The following MIA3 variants were observed in gnomAD, a reference collection of about 807,000 sequenced individuals.
MIA3 encodes the protein transport and Golgi organization protein 1 homolog.
MIA3 carries 90 observed loss-of-function variants against 192.4 expected under a neutral mutation model. The observed-to-expected ratio is 0.47, with a 90% CI of 0.39 to 0.56. The LOEUF (loss-of-function observed/expected upper bound fraction) is 0.56, where lower values mean the gene tolerates loss of function less well. MIA3 is among the 20% of genes least tolerant of loss of function. The probability of loss-of-function intolerance (pLI) is 0.00; values close to 1 mark genes in which losing one functional copy is unlikely to be tolerated. For missense variants in MIA3, 2,123 were observed against 2,269.4 expected (o/e 0.94, Z 1.31); for synonymous variants, 740 against 792.8 (o/e 0.93, Z 1.12).
At position 222,633,094 on chromosome 1, in the gene MIA3, C is replaced by T; in HGVS notation, c.3332-10C>T. The T allele has an allele frequency of 6.3e-7, 1 of 1,577,656 alleles. No homozygotes were observed. Among genetic ancestry groups the T allele is most frequent in the Non-Finnish European group, 8.6e-7 (1 of 1,167,064 alleles). On this transcript the variant is annotated splice_polypyrimidine_tract_variant and intron_variant, in intron 5 of 27. Transcript: ENST00000344922. ...AAGCACAAAATGTCTATCTTTCCTCCCAATTCCAGGGCCAGTTACAACAGA... is the reference window on the plus strand; with the variant it reads ...AAGCACAAAATGTCTATCTTTCCTCTCAATTCCAGGGCCAGTTACAACAGA...
At position 222,653,126 on chromosome 1, in the gene MIA3, T is replaced by C; in HGVS notation, c.4205T>C (p.Ile1402Thr). 1 of 1,608,640 alleles carries C rather than the reference T, an allele frequency of 6.2e-7. No individual in the cohort carries two copies. Among genetic ancestry groups the C allele is most frequent in the South Asian group, 1.1e-5 (1 of 90,804 alleles). ...EVALTHKDDN[I>T]NALTNCITQL... The stretch of plus-strand genomic sequence containing the variant: ...GCTCTTACTCACAAGGATGATAATA[T>C]TAATGTAAGTGCGTTCATGAATACA... Residue 1402 changes from isoleucine (I) to threonine (T), a missense_variant, in exon 14 of 28, where the codon ATT becomes ACT. This residue lies in a region of MIA3 where 762 missense variants were observed against 856.4 expected (regional missense o/e 0.89). Transcript: ENST00000344922.
chr1:222,631,528 A>G (rs1259838838), intron 4 of MIA3, among the ~76,000 whole-genome samples: 1 of 152,152 alleles, frequency 6.6e-6, no homozygotes, highest in Admixed American at 6.5e-5. Context: ...GAAATGGGGG[A>G]GGAGAACTTT....
chr1:222,621,998 C>T (rs558638384), intron 2 of MIA3, among the ~76,000 whole-genome samples: 3 of 152,140 alleles, frequency 2.0e-5, no homozygotes, highest in South Asian at 2.1e-4. Context: ...TTAGTAGAGA[C>T]GGGGTTTCAC....
In MIA3 at chr1:222,629,065, TGAGGAATTGAAA is replaced by T. The variant is rs771639920; in HGVS notation, c.1854_1865del (p.Lys619_Leu622del). 2.5e-5 allele frequency: 41 copies of T among 1,614,156 alleles called. No homozygotes were observed. Among genetic ancestry groups the T allele is most frequent in the Middle Eastern group, 1.6e-4 (1 of 6,062 alleles). ...ACACGCTTTCAGTGGAGCATCAACGTGAGGAATTGAAAGAGGAATTAGTTCTTAAAACTCAAA... is the reference window on the plus strand; with the variant it reads ...ACACGCTTTCAGTGGAGCATCAACGTGAGGAATTAGTTCTTAAAACTCAAA... On this transcript the variant is annotated inframe_deletion, in exon 4 of 28. Coordinates refer to ENST00000344922, the MANE Select transcript of MIA3 (RefSeq NM_198551.4).
chr1:222,665,382 T>TCTCC lies in MIA3; in HGVS notation c.5488_5491dup (p.His1831ProfsTer14). 6.2e-7 allele frequency: 1 copy of TCTCC among 1,613,944 alleles called. No individual in the cohort carries two copies. Among genetic ancestry groups the TCTCC allele is most frequent in the Non-Finnish European group, 8.5e-7 (1 of 1,179,968 alleles). ...TTCCACCAGGAAGACGGGACCTGCC[T>TCTCC]CTCCACCCTCGGGGATTTTTACCTG... On this transcript the variant is annotated frameshift_variant, in exon 28 of 28. Transcript: ENST00000344922. LOFTEE classifies it low-confidence loss of function (END_TRUNC).
At chr1:222,645,795 A>T in intron 7 of MIA3, 110 bp downstream of exon 7, 2 of 950,388 alleles carry the variant, frequency 2.1e-6, no homozygotes, top group Non-Finnish European at 3.1e-6. Flanking sequence ...AATGCTTTTA[A>T]TTCAAGCTAA....
chr1:222,647,567 T>G (rs1663207431), intron 7 of MIA3, among the ~76,000 whole-genome samples: 3 of 152,328 alleles, frequency 2.0e-5, no homozygotes, highest in Middle Eastern at 6.8e-3. Flanking sequence ...TTTCTTCAGA[T>G]AAAAAGGGAG....
At chr1:222,659,547 G>A (rs748359671) in intron 20 of MIA3, 34 bp downstream of exon 20, 23 of 1,610,446 alleles carry the variant, frequency 1.4e-5, no homozygotes, top group East Asian at 2.2e-5. Context: ...TATAGTGCCC[G>A]GAATTCTTTG....
At chr1:222,653,363 G>A in intron 15 of MIA3, 24 bp downstream of exon 15, 1 of 1,538,254 alleles carries the variant, frequency 6.5e-7, no homozygotes, top group Non-Finnish European at 9.0e-7. Flanking sequence ...CAAGGAGGAT[G>A]GACCCCTTTT....
chr1:222,629,999 A>C lies in MIA3; in HGVS notation c.2779A>C (p.Ser927Arg), dbSNP rs781401308. ...SDKREDLLIISSFFKEQQSLQ... is the reference protein window; with the variant it reads ...SDKREDLLIIRSFFKEQQSLQ... ...CAAGAGGGAGGACTTACTTATCATA[A>C]GCAGCTTCTTTAAAGAACAACAGTC... The change falls in exon 4 of 28, where the codon AGC becomes CGC. Residue 927 changes from serine (S) to arginine (R), a missense_variant. Coordinates refer to ENST00000344922, the MANE Select transcript of MIA3 (RefSeq NM_198551.4). 2 of 1,614,150 alleles carry C rather than the reference A, an allele frequency of 1.2e-6. No homozygotes were observed. Among genetic ancestry groups the C allele is most frequent in the South Asian group, 2.2e-5 (2 of 91,082 alleles).
Position 222,628,221 on chromosome 1 carries a change from C to G in MIA3, c.1001C>G (p.Thr334Arg), listed in dbSNP as rs534955784. ...DFDELPLLTF[T>R]DGEDMKTPAK... ...GATGAGTTGCCATTACTTACCTTTA[C>G]AGATGGGGAAGATATGAAAACTCCA... is the stretch of plus-strand genomic sequence containing the variant. Residue 334 changes from threonine to arginine, a missense_variant, in exon 4 of 28, where the codon ACA becomes AGA. Around this residue, in one of 3 missense-constraint regions of MIA3, gnomAD observed 1,357 missense variants for 1,396.1 expected, o/e 0.97. Transcript: ENST00000344922. 1 of 1,614,070 alleles carries G rather than the reference C, an allele frequency of 6.2e-7. No individual in the cohort carries two copies. The highest frequency in any genetic ancestry group is 1.1e-5 in the South Asian group (1 of 91,088).
At position 222,628,465 on chromosome 1, in the gene MIA3, T is replaced by C. The variant is rs750584373; in HGVS notation, c.1245T>C (p.Asp415=). ...SSSSEEEKED[D]DDALVPDSKQ... is the part of the protein sequence containing the mutation. Reference sequence around the variant, plus strand: ...GTTCAGAGGAAGAAAAAGAAGATGATGATGATGCATTAGTCCCAGATAGCA... The same window carrying C: ...GTTCAGAGGAAGAAAAAGAAGATGACGATGATGCATTAGTCCCAGATAGCA... Residue 415 remains aspartate (D), a synonymous_variant, in exon 4 of 28, where the codon GAT becomes GAC. Coordinates refer to ENST00000344922, the MANE Select transcript of MIA3 (RefSeq NM_198551.4). The C allele has an allele frequency of 6.2e-7, 1 of 1,612,692 alleles. No individual in the cohort carries two copies. Among genetic ancestry groups the C allele is most frequent in the South Asian group, 1.1e-5 (1 of 90,720 alleles).
At position 222,618,139 on chromosome 1, in the gene MIA3, G is replaced by C; in HGVS notation, c.29G>C (p.Trp10Ser). Residue 10 changes from tryptophan to serine, a missense_variant, in exon 1 of 28, where the codon TGG becomes TCG. Coordinates refer to ENST00000344922, the MANE Select transcript of MIA3 (RefSeq NM_198551.4). ...GCTGCGGCGCCTGGGCTGCTCGTCT[G>C]GCTGCTCGTGCTCCGGCTGCCCTGG... MAAAPGLLV[W>S]LLVLRLPWRV... 6.6e-7 allele frequency: 1 copy of C among 1,504,492 alleles called. No homozygotes were observed. Among genetic ancestry groups the C allele is most frequent in the South Asian group, 1.2e-5 (1 of 81,338 alleles). 93.2% of individuals were successfully genotyped at this position (1,504,492 alleles called of 1,614,324 possible). A position where few individuals can be genotyped will look rare whatever the true frequency, so the allele number is the denominator to read the frequency against.
chr1:222,627,228 C>A (rs914829522), intron 3 of MIA3, among the ~76,000 whole-genome samples: 1 of 152,250 alleles, frequency 6.6e-6, no homozygotes, highest in Non-Finnish European at 1.5e-5. Flanking sequence ...CCAGGTGGGA[C>A]TGTCCCTGTA....
chr1:222,650,295 C>T lies in MIA3; in HGVS notation c.3635C>T (p.Thr1212Met), dbSNP rs374910596. The T allele has an allele frequency of 7.4e-5, 118 of 1,593,552 alleles. No homozygotes were observed. Among genetic ancestry groups the T allele is most frequent in the African/African-American group, 1.6e-4 (12 of 74,230 alleles). ...TATTATTTTTTTCTTTTTTCAGTCA[C>T]GGAACAGCAAATTTCTGAGAAGTTG... ...LVVKDRVYQV[T>M]EQQISEKLKT... Residue 1212 changes from threonine (T) to methionine (M), a missense_variant, in exon 9 of 28, where the codon ACG becomes ATG. By Grantham distance (81) the Thr-to-Met change is moderately conservative. This residue lies in a region of MIA3 where 762 missense variants were observed against 856.4 expected (regional missense o/e 0.89). Transcript: ENST00000344922.
chr1:222,633,727 G>A (rs1558180240), intron 6 of MIA3, among the ~76,000 whole-genome samples: 1 of 152,238 alleles, frequency 6.6e-6, no homozygotes, highest in Non-Finnish European at 1.5e-5. Flanking sequence ...GGGGAAGGAT[G>A]TGGGCAGGGG....
chr1:222,644,549 C>G (rs980928002), intron 6 of MIA3: 3 of 1,550,636 alleles, frequency 1.9e-6, no homozygotes, highest in Admixed American at 2.0e-5. Context: ...GGACCCTTGT[C>G]TGTGCTCTAC....
intron 15 of MIA3, among the ~76,000 whole-genome samples, chr1:222,653,817 G>C (rs962037205): frequency 1.3e-5 from 2 of 152,206 alleles, no homozygotes; most frequent in Non-Finnish European, 2.9e-5. Context: ...CTAAGGCCAT[G>C]AGAGTGGAGG....
chr1:222,656,747 A>G (rs538933329), intron 18 of MIA3, among the ~76,000 whole-genome samples: 2 of 152,202 alleles, frequency 1.3e-5, no homozygotes, highest in African/African-American at 2.4e-5. Context: ...CCCTCGCCCA[A>G]TGCCTCCTAC....
Sources: allele counts gnomAD v4.1 joint callset (sites outside exome capture counted in the v4.1 genomes callset), GRCh38; gene constraint gnomAD v4.1.1; regional missense constraint gnomAD v4.1.1; transcripts MANE v1.5; gene names NCBI Gene and HGNC (gene_info 2026-07-23, HGNC 2026-07-21).